MEI4: variants seen among roughly 807,000 people sequenced by gnomAD.
The protein encoded by MEI4 is meiosis-specific protein MEI4.
In MEI4, 27 loss-of-function variants were observed where a neutral mutation model predicts 31.4. The observed-to-expected ratio is 0.86, with a 90% CI of 0.63 to 1.19. The LOEUF (loss-of-function observed/expected upper bound fraction) is 1.19, where lower values mean the gene tolerates loss of function less well. Ranked by LOEUF, MEI4 falls within the 50% of genes most tolerant of loss-of-function variation. The probability of loss-of-function intolerance (pLI) is 0.00; values close to 1 mark genes in which losing one functional copy is unlikely to be tolerated. For synonymous variants in MEI4, 122 were observed against 145.4 expected (o/e 0.84, Z 1.16); for missense variants, 329 against 398.9 (o/e 0.82, Z 1.49).
chr6:77,768,117 A>G (rs897322684), intron 3 of MEI4, among the ~76,000 whole-genome samples: 3 of 152,200 alleles, frequency 2.0e-5, no homozygotes, highest in African/African-American at 7.2e-5. Flanking sequence ...AGGCAGGTTA[A>G]TGGACTCACT....
intron 4 of MEI4, among the ~76,000 whole-genome samples, chr6:77,866,464 C>A (rs546460512): frequency 3.3e-5 from 5 of 152,148 alleles, no homozygotes; most frequent in Non-Finnish European, 5.9e-5. Flanking sequence ...CATGAGTGAA[C>A]TCCCATTCAC....
At chr6:77,660,545 C>T (rs1355866401) in intron 1 of MEI4, among the ~76,000 whole-genome samples, 2 of 151,116 alleles carry the variant, frequency 1.3e-5, no homozygotes, top group African/African-American at 4.9e-5. Context: ...GTAGGGATGA[C>T]TAGTTTTTTT....
chr6:77,657,143 A>C (rs1243956053), intron 1 of MEI4, among the ~76,000 whole-genome samples: 1 of 152,194 alleles, frequency 6.6e-6, no homozygotes. Context: ...GCACGAGATC[A>C]CTGAGAAAGT....
intron 2 of MEI4, among the ~76,000 whole-genome samples, chr6:77,734,232 A>T (rs987136706): frequency 6.6e-6 from 1 of 151,986 alleles, no homozygotes; most frequent in Non-Finnish European, 1.5e-5. Context: ...TGCGGTGTTA[A>T]CATCTCCCAT....
At position 77,925,798 on chromosome 6, in the gene MEI4, ATAT is replaced by A. The variant is rs1383100036; in HGVS notation, c.*2455_*2457del. 1 of 148,250 alleles carries A rather than the reference ATAT, an allele frequency of 6.7e-6. No individual in the cohort carries two copies. Among genetic ancestry groups the A allele is most frequent in the Non-Finnish European group, 1.5e-5 (1 of 67,208 alleles). The allele number at this position is 148,250 out of a possible 1,614,324, so 9.2% of individuals were successfully genotyped here. A position where few individuals can be genotyped will look rare whatever the true frequency, so the allele number is the denominator to read the frequency against. On this transcript the variant is annotated 3_prime_UTR_variant, in exon 5 of 5. Coordinates refer to ENST00000684080, the MANE Select transcript of MEI4 (RefSeq NM_001322247.2). Reference sequence around the variant, plus strand: ...ATATATTTTATATGAGAGTAAATATATATTAAATATTTTATATACATTTATATA... The same window carrying A: ...ATATATTTTATATGAGAGTAAATATATAAATATTTTATATACATTTATATA...
rs112191813 is a variant in MEI4 at position 77,785,046 on chromosome 6, C to T, written c.768+23381C>T. Among the ~76,000 whole-genome samples the T allele has an allele frequency of 5.2e-3, 790 of 152,184 alleles. 7 individuals carry two copies. Among genetic ancestry groups the T allele is most frequent in the African/African-American group, 0.019 (771 of 41,518 alleles). ...TATGACATAATATGCTGAAATTTCC[C>T]CGTCAGCTAATCATTTGAACTAAGA... is the stretch of plus-strand genomic sequence containing the variant. On this transcript the variant is annotated intron_variant, in intron 3 of 4. Transcript: ENST00000684080.
intron 4 of MEI4, among the ~76,000 whole-genome samples, chr6:77,857,256 GGA>G (rs1770767289): frequency 6.6e-6 from 1 of 152,136 alleles, no homozygotes; most frequent in South Asian, 2.1e-4. Flanking sequence ...GATCTAGAGA[GGA>G]GAATGTTTTA....
chr6:77,880,735 T>G (rs574594289), intron 4 of MEI4, among the ~76,000 whole-genome samples: 1 of 152,274 alleles, frequency 6.6e-6, no homozygotes, highest in African/African-American at 2.4e-5. Flanking sequence ...ACAGACTGCC[T>G]GTGGAGGAAT....
intron 4 of MEI4, among the ~76,000 whole-genome samples, chr6:77,919,480 T>C (rs1462638330): frequency 6.6e-6 from 1 of 151,800 alleles, no homozygotes. Flanking sequence ...ACCAGAATCT[T>C]TGGGATGCAT....
rs1038507552 is a variant in MEI4, at chr6:77,921,879, A to G, written c.901-1210A>G. On this transcript the variant is annotated intron_variant, in intron 4 of 4. Transcript: ENST00000684080. Reference sequence around the variant, plus strand: ...TTGTGGTATCTCAAAACAAAGTAGTAACATCATGGATGACTGATTGCAGAT... The same window carrying G: ...TTGTGGTATCTCAAAACAAAGTAGTGACATCATGGATGACTGATTGCAGAT... 2.6e-5 allele frequency among the ~76,000 whole-genome samples: 4 copies of G among 151,914 alleles called. No individual in the cohort carries two copies. In the Admixed American group the frequency reaches 2.6e-4, roughly 10 times the overall value.
At chr6:77,662,855 G>A (rs1379812220) in intron 1 of MEI4, among the ~76,000 whole-genome samples, 7 of 152,232 alleles carry the variant, frequency 4.6e-5, no homozygotes, top group East Asian at 1.9e-4. Flanking sequence ...GAATTATGCC[G>A]AGATAGGTAA....
rs1186675469 is a variant in MEI4 at position 77,908,595 on chromosome 6, T to C, written c.901-14494T>C. 5.9e-5 allele frequency among the ~76,000 whole-genome samples: 9 copies of C among 152,310 alleles called. No homozygotes were observed. In the South Asian group the frequency reaches 1.5e-3, roughly 25 times the overall value. ...GTCAGGTAGCATGATGCCTCCAGCT[T>C]TGTTCTTTTGGCTTAGGATTGACTT... On this transcript the variant is annotated intron_variant, in intron 4 of 4. Coordinates refer to ENST00000684080, the MANE Select transcript of MEI4 (RefSeq NM_001322247.2).
intron 2 of MEI4, among the ~76,000 whole-genome samples, chr6:77,734,790 G>A (rs908488508): frequency 1.4e-4 from 22 of 151,822 alleles, no homozygotes; most frequent in Non-Finnish European, 2.5e-4. Context: ...TCCTTTCCGT[G>A]TTTAGCGCTT....
intron 3 of MEI4, among the ~76,000 whole-genome samples, chr6:77,804,961 T>C (rs904794686): frequency 2.0e-5 from 3 of 152,246 alleles, no homozygotes; most frequent in African/African-American, 7.2e-5. Context: ...CAGCAGGTTT[T>C]ATCTGTACTT....
intron 3 of MEI4, among the ~76,000 whole-genome samples, chr6:77,801,021 A>T (rs1485758228): frequency 6.6e-6 from 1 of 151,434 alleles, no homozygotes; most frequent in Non-Finnish European, 1.5e-5. Flanking sequence ...TGAGTTAGGG[A>T]GGATTCCCTC....
chr6:77,871,049 A>G (rs557817539), intron 4 of MEI4, among the ~76,000 whole-genome samples: 2 of 152,312 alleles, frequency 1.3e-5, no homozygotes, highest in East Asian at 3.9e-4. Flanking sequence ...TTATTTTAGC[A>G]CCATGAATTG....
intron 3 of MEI4, among the ~76,000 whole-genome samples, chr6:77,824,328 T>G (rs1256205501): frequency 6.6e-6 from 1 of 152,190 alleles, no homozygotes; most frequent in African/African-American, 2.4e-5. Context: ...CTCGAACTCC[T>G]GACCTCAGGT....
At chr6:77,863,726 A>T (rs1770936145) in intron 4 of MEI4, among the ~76,000 whole-genome samples, 1 of 152,194 alleles carries the variant, frequency 6.6e-6, no homozygotes, top group African/African-American at 2.4e-5. Context: ...GGAAACACAG[A>T]GAATGCCACA....
At chr6:77,787,744 T>C (rs1316133083) in intron 3 of MEI4, among the ~76,000 whole-genome samples, 3 of 151,908 alleles carry the variant, frequency 2.0e-5, no homozygotes, top group Non-Finnish European at 4.4e-5. Flanking sequence ...CCTGAAAAAA[T>C]TTCAAAATAA....
Sources: allele counts gnomAD v4.1 joint callset (sites outside exome capture counted in the v4.1 genomes callset), GRCh38; gene constraint gnomAD v4.1.1; transcripts MANE v1.5; gene names NCBI Gene and HGNC (gene_info 2026-07-23, HGNC 2026-07-21).